The following SQOR variants were observed in gnomAD, a reference collection of about 807,000 sequenced individuals.
The protein encoded by SQOR is sulfide:quinone oxidoreductase, mitochondrial.
SQOR carries 39 observed loss-of-function variants against 48.6 expected under a neutral mutation model. The ratio of observed to expected loss-of-function variants is 0.80; its 90% CI spans 0.62 to 1.05. The LOEUF is 1.05. Among genes scored for constraint, SQOR ranks in the 50% least tolerant of loss-of-function variants. The pLI is 0.00. For missense variants in SQOR, 561 were observed against 559.9 expected, an observed-to-expected ratio of 1.00 and a Z score of -0.02; for synonymous variants, 220 against 206.2, an observed-to-expected ratio of 1.07 and a Z score of -0.57.
chr15:45,679,483 C>A (rs1316831195), intron 6 of SQOR, among the ~76,000 whole-genome samples: 1 of 152,052 alleles, frequency 6.6e-6, no homozygotes, highest in East Asian at 1.9e-4. Context: ...GCGGGTGGAT[C>A]ACGAAGTCAG....
At position 45,691,267 on chromosome 15, in the gene SQOR, A is replaced by T. The variant is rs1812271927; in HGVS notation, c.*237A>T. 1 of 498,272 alleles carries T rather than the reference A, an allele frequency of 2.0e-6. No homozygotes were observed. Among genetic ancestry groups the T allele is most frequent in the East Asian group, 3.2e-5 (1 of 30,992 alleles). The allele number at this position is 498,272 out of a possible 1,614,324, so 30.9% of individuals were successfully genotyped here. A position where few individuals can be genotyped will look rare whatever the true frequency, so the allele number is the denominator to read the frequency against. On this transcript the variant is annotated 3_prime_UTR_variant, in exon 10 of 10. Coordinates refer to ENST00000260324, the MANE Select transcript of SQOR (RefSeq NM_021199.4). Reference sequence around the variant, plus strand: ...AAATAATACTTTTATTTTCTGAATAAAAGTTTGTCACTGATTGTGTTCTAT... The same window carrying T: ...AAATAATACTTTTATTTTCTGAATATAAGTTTGTCACTGATTGTGTTCTAT...
intron 1 of SQOR, among the ~76,000 whole-genome samples, chr15:45,650,542 G>A (rs897029672): frequency 2.6e-5 from 4 of 152,116 alleles, no homozygotes; most frequent in South Asian, 4.1e-4. Context: ...AAAGAAGAAA[G>A]CATCCACAAC....
intron 3 of SQOR, among the ~76,000 whole-genome samples, chr15:45,667,381 A>G (rs927082206): frequency 6.6e-6 from 1 of 152,046 alleles, no homozygotes; most frequent in African/African-American, 2.4e-5. Context: ...TTAATAGCCT[A>G]TTTACTAAGA....
intron 1 of SQOR, among the ~76,000 whole-genome samples, chr15:45,643,331 G>C (rs1375068398): frequency 1.3e-5 from 2 of 152,164 alleles, no homozygotes; most frequent in Admixed American, 1.3e-4. Flanking sequence ...AAGTAGCTGG[G>C]ACTACAGGTG....
intron 1 of SQOR, among the ~76,000 whole-genome samples, chr15:45,637,340 G>A (rs1416843810): frequency 6.6e-6 from 1 of 152,118 alleles, no homozygotes; most frequent in East Asian, 1.9e-4. Flanking sequence ...ACCTTCCCAA[G>A]TATTTAAGGC....
rs1890276727 is a variant in SQOR at position 45,689,154 on chromosome 15, G to A, written c.1232G>A (p.Arg411His). The A allele has an allele frequency of 3.1e-6, 5 of 1,614,052 alleles. No homozygotes were observed. Among genetic ancestry groups the A allele is most frequent in the Non-Finnish European group, 4.2e-6 (5 of 1,180,016 alleles). ...TTCCCCTTTGATCAAAGCAAAGAGC[G>A]CCTTTCCATGTATCTCATGAAAGCT... is the stretch of plus-strand genomic sequence containing the variant. ...ETFPFDQSKE[R>H]LSMYLMKADL... The change falls in exon 9 of 10, where the codon CGC becomes CAC. Residue 411 changes from arginine (R) to histidine (H), a missense_variant. Arg to His is a conservative substitution (Grantham distance 29). Transcript: ENST00000260324.
intron 1 of SQOR, among the ~76,000 whole-genome samples, chr15:45,651,058 C>G (rs552475153): frequency 6.6e-6 from 1 of 152,202 alleles, no homozygotes; most frequent in African/African-American, 2.4e-5. Context: ...CATCACAGAG[C>G]AGGGGGCGGC....
Position 45,682,476 on chromosome 15 carries a change from A to G in SQOR, c.865-2A>G. The G allele has an allele frequency of 6.2e-7, 1 of 1,613,934 alleles. No homozygotes were observed. Among genetic ancestry groups the G allele is most frequent in the Non-Finnish European group, 8.5e-7 (1 of 1,179,888 alleles). On this transcript the variant is annotated splice_acceptor_variant, in intron 6 of 9. Transcript: ENST00000260324. LOFTEE classifies it high-confidence loss of function. ...AAATGTGGATTCTCTCTTTGTGTGTAGTATGAAATGCTTCATGTCACACCT... is the reference window on the plus strand; with the variant it reads ...AAATGTGGATTCTCTCTTTGTGTGTGGTATGAAATGCTTCATGTCACACCT...
intron 2 of SQOR, among the ~76,000 whole-genome samples, chr15:45,660,436 G>T (rs1447010761): frequency 6.6e-6 from 1 of 152,180 alleles, no homozygotes; most frequent in African/African-American, 2.4e-5. Context: ...TCTGGTATAT[G>T]TTGTATTTTA....
chr15:45,667,941 C>CTTTCT (rs1566920341), intron 3 of SQOR, among the ~76,000 whole-genome samples: 4 of 103,284 alleles, frequency 3.9e-5, no homozygotes, highest in African/African-American at 7.2e-5. Context: ...TTCTTTCTTT[C>CTTTCT]TTTTTTTTTT....
chr15:45,660,603 G>T (rs1352896761), intron 2 of SQOR, among the ~76,000 whole-genome samples: 1 of 152,220 alleles, frequency 6.6e-6, no homozygotes. Context: ...CAGAGCCCCA[G>T]GCTTGGTACT....
chr15:45,668,513 C>T (rs750146671), intron 3 of SQOR, among the ~76,000 whole-genome samples: 8 of 152,166 alleles, frequency 5.3e-5, no homozygotes, highest in African/African-American at 1.9e-4. Context: ...TGCTGGGGAG[C>T]TCCTGGGAGG....
intron 1 of SQOR, among the ~76,000 whole-genome samples, chr15:45,647,218 C>T (rs1283092978): frequency 6.6e-6 from 1 of 152,022 alleles, no homozygotes; most frequent in East Asian, 1.9e-4. Flanking sequence ...CACCGCACTC[C>T]AGTCTGGGCA....
intron 1 of SQOR, among the ~76,000 whole-genome samples, chr15:45,650,974 C>T (rs1402040585): frequency 6.6e-6 from 1 of 152,212 alleles, no homozygotes; most frequent in Non-Finnish European, 1.5e-5. Flanking sequence ...GTGCCAGAGC[C>T]GAGGCGGAGC....
chr15:45,656,268 A>C (rs1487822881), intron 1 of SQOR, among the ~76,000 whole-genome samples: 1 of 152,154 alleles, frequency 6.6e-6, no homozygotes, highest in Non-Finnish European at 1.5e-5. Context: ...GTAAATGTTA[A>C]TTATCATCTA....
At chr15:45,663,259 C>A in intron 3 of SQOR, among the ~76,000 whole-genome samples, 1 of 152,062 alleles carries the variant, frequency 6.6e-6, no homozygotes, top group Non-Finnish European at 1.5e-5. Flanking sequence ...CTCAAGTGAT[C>A]CACCTGCCTC....
chr15:45,690,840 C>A, intron 9 of SQOR, 133 bp from the exon 10 acceptor site: 1 of 789,078 alleles, frequency 1.3e-6, no homozygotes, highest in South Asian at 1.5e-5. Context: ...CTCTCCAACT[C>A]ACTAGACAAT....
At chr15:45,640,374 G>A (rs1346441182) in intron 1 of SQOR, among the ~76,000 whole-genome samples, 3 of 152,084 alleles carry the variant, frequency 2.0e-5, no homozygotes, top group South Asian at 4.1e-4. Context: ...CCCAAAATGG[G>A]TCAGGAAGAG....
Position 45,689,200 on chromosome 15 carries a change from T to C in SQOR, c.1278T>C (p.Tyr426=). Residue 426 remains tyrosine, a synonymous_variant, in exon 9 of 10, where the codon TAT becomes TAC. Transcript: ENST00000260324. ...AAGCTGACCTGATGCCTTTCCTGTA[T>C]TGGAATATGATGCTAAGGTAAGTGC... ...LMKADLMPFL[Y]WNMMLRGYWG... 6.2e-7 allele frequency: 1 copy of C among 1,613,972 alleles called. No homozygotes were observed. The highest frequency in any genetic ancestry group is 8.5e-7 in the Non-Finnish European group (1 of 1,179,942).
Sources: allele counts gnomAD v4.1 joint callset (sites outside exome capture counted in the v4.1 genomes callset), GRCh38; gene constraint gnomAD v4.1.1; transcripts MANE v1.5; gene names NCBI Gene and HGNC (gene_info 2026-07-23, HGNC 2026-07-21).